Variants in ESCO1 observed in about 807,000 individuals in gnomAD.
ESCO1 encodes establishment of sister chromatid cohesion N-acetyltransferase 1, also known as N-acetyltransferase ESCO1.
A neutral mutation model predicts 83.5 loss-of-function variants in ESCO1; 33 were observed. The ratio of observed to expected loss-of-function variants is 0.40; its 90% confidence interval spans 0.30 to 0.53. The LOEUF (loss-of-function observed/expected upper bound fraction) is 0.53, where lower values mean the gene tolerates loss of function less well. Among genes scored for constraint, ESCO1 ranks in the 20% least tolerant of loss-of-function variants. ESCO1 has a pLI of 0.63. For missense variants in ESCO1, 855 were observed against 968.0 expected, an observed-to-expected ratio of 0.88 and a Z score of 1.55; for synonymous variants, 332 against 324.3, an observed-to-expected ratio of 1.02 and a Z score of -0.25.
chr18:21,530,788 A>G (rs1273494463), intron 11 of ESCO1, among the ~76,000 whole-genome samples: 1 of 152,226 alleles, frequency 6.6e-6, no homozygotes, highest in African/African-American at 2.4e-5. Flanking sequence ...ACATCAAGGA[A>G]TATCAGAGTT....
intron 8 of ESCO1, among the ~76,000 whole-genome samples, chr18:21,558,239 G>A (rs184456892): frequency 1.3e-5 from 2 of 152,074 alleles, no homozygotes; most frequent in Admixed American, 1.3e-4. Flanking sequence ...TCCCCAAATG[G>A]TGTCAGCCAA....
chr18:21,545,894 C>A (rs2037968136), intron 8 of ESCO1, among the ~76,000 whole-genome samples: 1 of 152,186 alleles, frequency 6.6e-6, no homozygotes, highest in Admixed American at 6.5e-5. Context: ...CATGTCACTG[C>A]ACTCCAGCCT....
chr18:21,539,870 A>T (rs372172961), intron 9 of ESCO1, 50 bp downstream of exon 9: 104 of 1,512,710 alleles, frequency 6.9e-5, no homozygotes, highest in Middle Eastern at 1.7e-4. Flanking sequence ...AAAAAAATTA[A>T]CTGCAAAATG....
chr18:21,568,231 T>C (rs997150675), intron 4 of ESCO1, 137 bp from the exon 5 acceptor site: 3 of 629,144 alleles, frequency 4.8e-6, no homozygotes, highest in Non-Finnish European at 8.3e-6. Flanking sequence ...AGTCTCCCCA[T>C]GATCTTGCTA....
chr18:21,575,084 G>T lies in ESCO1; in HGVS notation c.-241C>A. Reference sequence around the variant, plus strand: ...AAGACACTTGCTTTACTTTGGACAAGGTAATAAAAATTTGAGGAAAATTTT... The same window carrying T: ...AAGACACTTGCTTTACTTTGGACAATGTAATAAAAATTTGAGGAAAATTTT... On this transcript the variant is annotated 5_prime_UTR_variant, in exon 4 of 12. Coordinates refer to ENST00000269214, the MANE Select transcript of ESCO1 (RefSeq NM_052911.3). 2.7e-6 allele frequency: 1 copy of T among 375,372 alleles called. No individual in the cohort carries two copies. The highest frequency in any genetic ancestry group is 1.3e-4 in the South Asian group (1 of 7,532). The allele number at this position is 375,372 out of a possible 1,614,324, so 23.3% of individuals were successfully genotyped here.
intron 4 of ESCO1, 62 bp from the exon 5 acceptor site, chr18:21,568,156 G>T: frequency 1.6e-6 from 2 of 1,257,510 alleles, no homozygotes; most frequent in Non-Finnish European, 2.3e-6. Context: ...TAAACTTTCA[G>T]TAAATTTTAG....
At position 21,574,545 on chromosome 18, in the gene ESCO1, T is replaced by C; in HGVS notation, c.299A>G (p.Lys100Arg). Residue 100 changes from lysine to arginine, a missense_variant, in exon 4 of 12, where the codon AAG becomes AGG. This residue lies in a region of ESCO1 where 726 missense variants were observed against 699.5 expected (regional missense o/e 1.04). Coordinates refer to ENST00000269214, the MANE Select transcript of ESCO1 (RefSeq NM_052911.3). ...VRGYSQESTK[K>R]KLSQKKLVHE... ...TACTAATTTTTTCTGAGATAATTTC[T>C]TTTTTGTAGATTCTTGTGAATATCC... 6.2e-7 allele frequency: 1 copy of C among 1,613,800 alleles called. No individual in the cohort carries two copies. Among genetic ancestry groups the C allele is most frequent in the South Asian group, 1.1e-5 (1 of 91,024 alleles).
chr18:21,554,129 A>C (rs1440365249), intron 8 of ESCO1, among the ~76,000 whole-genome samples: 1 of 152,188 alleles, frequency 6.6e-6, no homozygotes, highest in Non-Finnish European at 1.5e-5. Flanking sequence ...AAAATCCAGA[A>C]CACTGATAAC....
At position 21,589,339 on chromosome 18, in the gene ESCO1, T is replaced by C. The variant is rs2038628458; in HGVS notation, c.-824-4899A>G. ...CCCCCTCCAAGTCACTTCTTAAAAT[T>C]AATCAGCCTTTTTCCTACACAACCC... is the stretch of plus-strand genomic sequence containing the variant. On this transcript the variant is annotated intron_variant, in intron 1 of 11. Coordinates refer to ENST00000269214, the MANE Select transcript of ESCO1 (RefSeq NM_052911.3). Among the ~76,000 whole-genome samples the C allele has an allele frequency of 2.0e-5, 3 of 152,290 alleles. No individual in the cohort carries two copies. In the South Asian group the frequency reaches 6.2e-4, roughly 32 times the overall value.
At chr18:21,543,632 A>G (rs557048663) in intron 8 of ESCO1, among the ~76,000 whole-genome samples, 2 of 152,030 alleles carry the variant, frequency 1.3e-5, no homozygotes, top group African/African-American at 4.8e-5. Context: ...TATAAATAAT[A>G]CCCCGACTTT....
intron 8 of ESCO1, among the ~76,000 whole-genome samples, chr18:21,556,102 A>G (rs2038109179): frequency 6.6e-6 from 1 of 151,256 alleles, no homozygotes; most frequent in African/African-American, 2.4e-5. Flanking sequence ...AAAAAATACA[A>G]AAATTAGCCA....
chr18:21,558,374 T>C (rs1186732880), intron 8 of ESCO1, among the ~76,000 whole-genome samples: 1 of 152,196 alleles, frequency 6.6e-6, no homozygotes, highest in East Asian at 1.9e-4. Flanking sequence ...ATTATTAATC[T>C]GCCTAGAAAA....
intron 4 of ESCO1, among the ~76,000 whole-genome samples, 179 bp from the exon 5 acceptor site, chr18:21,568,273 T>C (rs1015994290): frequency 3.3e-5 from 5 of 152,284 alleles, no homozygotes; most frequent in African/African-American, 4.8e-5. Context: ...GGGCCCATTA[T>C]TACCCTTCAT....
At chr18:21,531,412 G>T (rs998956397) in intron 11 of ESCO1, among the ~76,000 whole-genome samples, 1 of 152,188 alleles carries the variant, frequency 6.6e-6, no homozygotes, top group African/African-American at 2.4e-5. Context: ...CTCCAGCCTG[G>T]GTGACAAAGT....
chr18:21,584,048 T>C lies in ESCO1; in HGVS notation c.-694+262A>G, dbSNP rs542572208. 4.6e-5 allele frequency among the ~76,000 whole-genome samples: 7 copies of C among 152,330 alleles called. No homozygotes were observed. In the South Asian group the frequency reaches 1.5e-3, roughly 32 times the overall value. On this transcript the variant is annotated intron_variant, in intron 2 of 11. Coordinates refer to ENST00000269214, the MANE Select transcript of ESCO1 (RefSeq NM_052911.3). ...AGAATATACAGAATCATATGCCTTT[T>C]ATGCATAAAATATATCTGGAAGGAG... is the stretch of plus-strand genomic sequence containing the variant.
At chr18:21,582,544 T>C (rs932422877) in intron 2 of ESCO1, among the ~76,000 whole-genome samples, 1 of 152,190 alleles carries the variant, frequency 6.6e-6, no homozygotes, top group African/African-American at 2.4e-5. Flanking sequence ...CCTTAAATAT[T>C]TGTTTTCACG....
chr18:21,553,470 AAAAAAAT>A (rs1354387415), intron 8 of ESCO1, among the ~76,000 whole-genome samples: 134 of 133,060 alleles, frequency 1.0e-3, no homozygotes, highest in East Asian at 6.5e-3. Flanking sequence ...AAAAAAAAAA[AAAAAAAT>A]TTTTTTTGAA....
At chr18:21,568,789 G>T (rs1209384421) in intron 4 of ESCO1, among the ~76,000 whole-genome samples, 1 of 151,902 alleles carries the variant, frequency 6.6e-6, no homozygotes, top group Non-Finnish European at 1.5e-5. Context: ...TGTAATCCCA[G>T]CTACTCGGGA....
intron 10 of ESCO1, 34 bp from the exon 11 acceptor site, chr18:21,532,694 T>G (rs372677522): frequency 6.3e-7 from 1 of 1,596,660 alleles, no homozygotes; most frequent in Non-Finnish European, 8.5e-7. Context: ...AAAATTTAAG[T>G]GAGATTATTA....
Sources: gnomAD v4.1 joint callset for allele counts (sites outside exome capture counted in the v4.1 genomes callset) on GRCh38, gnomAD v4.1.1 for gene constraint, gnomAD v4.1.1 regional missense constraint, MANE v1.5 for transcripts, NCBI Gene and HGNC (gene_info 2026-07-23, HGNC 2026-07-21) for gene names.